SLC4A1AP: variants seen among roughly 807,000 people sequenced by gnomAD.
SLC4A1AP encodes the protein kanadaptin.
In SLC4A1AP, 64 loss-of-function variants were observed where a neutral mutation model predicts 89.7. The observed-to-expected ratio is 0.71, with a 90% confidence interval of 0.58 to 0.88. SLC4A1AP has a LOEUF of 0.88. SLC4A1AP is among the 40% of genes least tolerant of loss of function. The pLI, the probability that SLC4A1AP is intolerant of heterozygous loss-of-function variation, is 0.00. For synonymous variants in SLC4A1AP, 366 were observed against 353.3 expected (o/e 1.04, Z -0.40); for missense variants, 931 against 965.0 (o/e 0.96, Z 0.47).
intron 5 of SLC4A1AP, among the ~76,000 whole-genome samples, chr2:27,673,576 G>A (rs760565810): frequency 1.3e-4 from 20 of 151,438 alleles, no homozygotes; most frequent in South Asian, 4.2e-4. Context: ...CGATCCTCCC[G>A]CCTCAGCCTC....
intron 11 of SLC4A1AP, 108 bp from the exon 12 acceptor site, chr2:27,688,592 A>C (rs1272844870): frequency 1.4e-6 from 1 of 735,362 alleles, no homozygotes; most frequent in Admixed American, 2.9e-5. Flanking sequence ...TTGCATTGTC[A>C]TGAGCATCTT....
chr2:27,665,220 G>T lies in SLC4A1AP; in HGVS notation c.946G>T (p.Glu316Ter). ...GCTAGGAGAAGACTCAGATGAAGAA[G>T]AGGAAATGGATACCTCTGAAAGGAA... The change falls in exon 2 of 14, where the codon GAG becomes TAG. Residue 316 changes from glutamate to a stop codon, truncating the protein, a stop_gained. Coordinates refer to ENST00000613058, the Ensembl canonical transcript of SLC4A1AP. LOFTEE classifies it high-confidence loss of function. 6.2e-7 allele frequency: 1 copy of T among 1,613,860 alleles called. No homozygotes were observed. Among genetic ancestry groups the T allele is most frequent in the South Asian group, 1.1e-5 (1 of 91,062 alleles).
intron 9 of SLC4A1AP, among the ~76,000 whole-genome samples, chr2:27,682,943 G>A (rs1675644888): frequency 6.6e-6 from 1 of 152,220 alleles, no homozygotes; most frequent in African/African-American, 2.4e-5. Context: ...TCTCATGAAT[G>A]TTGCATTTAA....
intron 8 of SLC4A1AP, among the ~76,000 whole-genome samples, chr2:27,681,719 C>T (rs867318319): frequency 6.6e-6 from 1 of 152,128 alleles, no homozygotes; most frequent in Non-Finnish European, 1.5e-5. Context: ...TATCTCCAGC[C>T]GTTGAGAATG....
intron 13 of SLC4A1AP, among the ~76,000 whole-genome samples, chr2:27,694,419 GTTAC>G (rs1396180654): frequency 6.6e-6 from 1 of 152,042 alleles, no homozygotes; most frequent in African/African-American, 2.4e-5. Flanking sequence ...ATATAATTTA[GTTAC>G]TTGAGATGTC....
exon 1 of SLC4A1AP, chr2:27,663,940 A>G: frequency 8.1e-6 from 13 of 1,614,170 alleles, no homozygotes; most frequent in Non-Finnish European, 1.0e-5. Flanking sequence ...TCTCAGTCAG[A>G]GACCCTGGCG....
At chr2:27,672,465 G>T (rs986441610) in intron 5 of SLC4A1AP, among the ~76,000 whole-genome samples, 4 of 151,980 alleles carry the variant, frequency 2.6e-5, no homozygotes, top group Non-Finnish European at 4.4e-5. Context: ...GAGACTCCAA[G>T]GTTTTAATTT....
chr2:27,669,453 A>G, intron 5 of SLC4A1AP, 66 bp downstream of exon 5: 1 of 1,388,264 alleles, frequency 7.2e-7, no homozygotes, highest in Non-Finnish European at 9.6e-7. Flanking sequence ...AACGCTAATA[A>G]AACTTCTTTA....
intron 9 of SLC4A1AP, among the ~76,000 whole-genome samples, chr2:27,684,561 G>A (rs1328880641): frequency 2.6e-5 from 4 of 152,022 alleles, no homozygotes; most frequent in Admixed American, 6.6e-5. Flanking sequence ...TATTCTTTGA[G>A]AAATGTCTTC....
At chr2:27,682,578 G>A (rs1439281546) in intron 9 of SLC4A1AP, among the ~76,000 whole-genome samples, 1 of 148,200 alleles carries the variant, frequency 6.7e-6, no homozygotes, top group Non-Finnish European at 1.5e-5. Flanking sequence ...AGGCTGGAGT[G>A]CAGTGGCGTG....
At chr2:27,665,708 A>C (rs1183289775) in intron 2 of SLC4A1AP, among the ~76,000 whole-genome samples, 1 of 152,236 alleles carries the variant, frequency 6.6e-6, no homozygotes, top group Non-Finnish European at 1.5e-5. Context: ...TACTTTGTGA[A>C]GATATCCTGA....
intron 8 of SLC4A1AP, among the ~76,000 whole-genome samples, 200 bp from the exon 9 acceptor site, chr2:27,682,048 G>T (rs1344584241): frequency 6.6e-6 from 1 of 152,202 alleles, no homozygotes; most frequent in African/African-American, 2.4e-5. Flanking sequence ...TCATAGCTCT[G>T]TGTCTGTGAC....
intron 6 of SLC4A1AP, among the ~76,000 whole-genome samples, chr2:27,676,481 G>GT (rs1278942911): frequency 1.3e-5 from 2 of 152,128 alleles, no homozygotes; most frequent in Non-Finnish European, 2.9e-5. Context: ...TTAATTCTGT[G>GT]TTTTTTAATT....
At chr2:27,664,321 T>C in exon 1 of SLC4A1AP, 1 of 1,614,130 alleles carries the variant, frequency 6.2e-7, no homozygotes, top group South Asian at 1.1e-5. Flanking sequence ...AGTTACTGCC[T>C]TTTCGGGAGG....
rs1675628426 is a variant in SLC4A1AP at position 27,682,104 on chromosome 2, C to G, written c.1764-144C>G. The G allele has an allele frequency of 8.6e-6, 5 of 583,698 alleles. No individual in the cohort carries two copies. The Admixed American group carries it at 1.3e-4, about 15-fold the overall frequency. 36.2% of individuals were successfully genotyped at this position (583,698 alleles called of 1,614,324 possible). On this transcript the variant is annotated intron_variant, in intron 8 of 13. Coordinates refer to ENST00000613058, the Ensembl canonical transcript of SLC4A1AP. ...ATTCAAAATCTGTTGGTCTGAATAC[C>G]TCTTTCTTATTGTTATATGCTTAGA...
At chr2:27,670,745 C>T (rs1015317899) in intron 5 of SLC4A1AP, among the ~76,000 whole-genome samples, 3 of 151,586 alleles carry the variant, frequency 2.0e-5, no homozygotes, top group African/African-American at 4.8e-5. Flanking sequence ...CCTGTAGTCC[C>T]GGCCACTTGG....
At chr2:27,683,315 A>G (rs185469701) in intron 9 of SLC4A1AP, among the ~76,000 whole-genome samples, 72 of 152,284 alleles carry the variant, frequency 4.7e-4, no homozygotes, top group African/African-American at 1.7e-3. Flanking sequence ...CATTACCCCT[A>G]AGAGCTGAAC....
At chr2:27,688,246 C>T (rs937827731) in intron 11 of SLC4A1AP, among the ~76,000 whole-genome samples, 3 of 152,184 alleles carry the variant, frequency 2.0e-5, no homozygotes, top group Non-Finnish European at 2.9e-5. Flanking sequence ...CCCTCTCCCT[C>T]CCCCACAAAG....
intron 5 of SLC4A1AP, among the ~76,000 whole-genome samples, chr2:27,673,429 TCCCTCC>T (rs1558506683): frequency 7.8e-5 from 4 of 51,106 alleles, no homozygotes; most frequent in African/African-American, 1.5e-4. Context: ...CCTCCCTCCC[TCCCTCC>T]CTCCCTCCCT....
Sources: gnomAD v4.1 joint callset for allele counts (sites outside exome capture counted in the v4.1 genomes callset) on GRCh38, gnomAD v4.1.1 for gene constraint, MANE v1.5 for transcripts, NCBI Gene and HGNC (gene_info 2026-07-23, HGNC 2026-07-21) for gene names.